SDC2: variants seen among roughly 807,000 people sequenced by gnomAD.
The protein encoded by SDC2 is syndecan 2.
A neutral mutation model predicts 22.2 loss-of-function variants in SDC2; 13 were observed. The observed-to-expected ratio is 0.59, with a 90% CI of 0.38 to 0.93. The LOEUF (loss-of-function observed/expected upper bound fraction) is 0.93, where lower values mean the gene tolerates loss of function less well. SDC2 is among the 40% of genes least tolerant of loss of function. SDC2 has a pLI of 0.00. For synonymous variants in SDC2, 94 were observed against 92.8 expected, an observed-to-expected ratio of 1.01 and a Z score of -0.07; for missense variants, 235 against 246.8, an observed-to-expected ratio of 0.95 and a Z score of 0.32.
chr8:96,550,219 G>T (rs1192706879), intron 1 of SDC2, among the ~76,000 whole-genome samples: 1 of 152,158 alleles, frequency 6.6e-6, no homozygotes, highest in Non-Finnish European at 1.5e-5. Flanking sequence ...ACAGGTTGGG[G>T]TTCCAAAAAT....
At chr8:96,536,771 C>T (rs1165371600) in intron 1 of SDC2, among the ~76,000 whole-genome samples, 3 of 152,268 alleles carry the variant, frequency 2.0e-5, no homozygotes, top group Admixed American at 2.0e-4. Context: ...CAAAGGTAGA[C>T]CAGGTAGGAT....
intron 1 of SDC2, among the ~76,000 whole-genome samples, chr8:96,553,320 C>T (rs1184149342): frequency 6.6e-6 from 1 of 152,010 alleles, no homozygotes; most frequent in Non-Finnish European, 1.5e-5. Context: ...TGTGAAAATG[C>T]ATTCTTATTG....
chr8:96,570,122 AC>A (rs1282701584), intron 1 of SDC2, among the ~76,000 whole-genome samples: 2 of 152,206 alleles, frequency 1.3e-5, no homozygotes, highest in Non-Finnish European at 2.9e-5. Context: ...AGGCACTATC[AC>A]TATCCTCTCC....
rs554458731 is a variant in SDC2 at position 96,581,016 on chromosome 8, T to A, written c.61-12464T>A. On this transcript the variant is annotated intron_variant, in intron 1 of 4. Coordinates refer to ENST00000302190, the MANE Select transcript of SDC2 (RefSeq NM_002998.4). ...CCTGGACTAACTTGGAGAAAAAAAA[T>A]TCCTGAGATGATCTATTTTTAATTC... Among the ~76,000 whole-genome samples, 3 of 152,208 alleles carry A rather than the reference T, an allele frequency of 2.0e-5. No individual in the cohort carries two copies. In the South Asian group the frequency reaches 6.2e-4, roughly 32 times the overall value.
intron 1 of SDC2, among the ~76,000 whole-genome samples, chr8:96,544,407 G>C (rs571479710): frequency 6.6e-6 from 1 of 152,114 alleles, no homozygotes; most frequent in South Asian, 2.1e-4. Flanking sequence ...CCTGCTTGCT[G>C]ACTGTCTTTT....
At chr8:96,523,449 CAG>C (rs1396462667) in intron 1 of SDC2, among the ~76,000 whole-genome samples, 2 of 152,162 alleles carry the variant, frequency 1.3e-5, no homozygotes, top group Non-Finnish European at 2.9e-5. Context: ...GGATCTCTGC[CAG>C]GGGTAACTCT....
At chr8:96,606,011 A>G (rs1392938764) in intron 3 of SDC2, among the ~76,000 whole-genome samples, 1 of 152,214 alleles carries the variant, frequency 6.6e-6, no homozygotes, top group African/African-American at 2.4e-5. Context: ...GCCTTCAGAA[A>G]GCAATCATTT....
intron 1 of SDC2, among the ~76,000 whole-genome samples, chr8:96,593,264 G>A (rs759253622): frequency 6.6e-6 from 1 of 152,190 alleles, no homozygotes; most frequent in Non-Finnish European, 1.5e-5. Flanking sequence ...GGTTTAAGCT[G>A]TGTAGGCTTC....
intron 1 of SDC2, among the ~76,000 whole-genome samples, chr8:96,555,100 G>A (rs748813821): frequency 6.6e-5 from 10 of 151,948 alleles, no homozygotes; most frequent in Admixed American, 3.3e-4. Flanking sequence ...TTTCTGCAGT[G>A]TATTTTTGTG....
chr8:96,536,555 C>T (rs936381276), intron 1 of SDC2, among the ~76,000 whole-genome samples: 8 of 152,100 alleles, frequency 5.3e-5, no homozygotes, highest in African/African-American at 1.7e-4. Flanking sequence ...CTCCTGGACT[C>T]AAGCAGTCCC....
At chr8:96,555,558 A>C (rs938622088) in intron 1 of SDC2, among the ~76,000 whole-genome samples, 1 of 152,248 alleles carries the variant, frequency 6.6e-6, no homozygotes, top group African/African-American at 2.4e-5. Flanking sequence ...AACAAATACC[A>C]GTATGAGGGG....
At chr8:96,542,147 C>G (rs988224028) in intron 1 of SDC2, among the ~76,000 whole-genome samples, 35 of 152,132 alleles carry the variant, frequency 2.3e-4, no homozygotes, top group African/African-American at 8.2e-4. Context: ...TAGTGCTGCC[C>G]CACTGCTGCA....
At chr8:96,583,641 T>G (rs1362512099) in intron 1 of SDC2, among the ~76,000 whole-genome samples, 1 of 149,690 alleles carries the variant, frequency 6.7e-6, no homozygotes, top group East Asian at 2.0e-4. Flanking sequence ...CATTTTCTAT[T>G]CCCTTTCAGT....
intron 1 of SDC2, among the ~76,000 whole-genome samples, chr8:96,570,897 T>C (rs890755366): frequency 5.8e-4 from 88 of 151,976 alleles, no homozygotes; most frequent in African/African-American, 2.1e-3. Context: ...ATTAGAACAG[T>C]GGTTACCGGG....
intron 1 of SDC2, among the ~76,000 whole-genome samples, chr8:96,550,216 G>T (rs1028447403): frequency 2.6e-5 from 4 of 152,164 alleles, no homozygotes; most frequent in Non-Finnish European, 5.9e-5. Context: ...GTTACAGGTT[G>T]GGGTTCCAAA....
Position 96,606,228 on chromosome 8 carries a change from A to T in SDC2, c.307-2107A>T, listed in dbSNP as rs553718593. Among the ~76,000 whole-genome samples, 9 of 152,224 alleles carry T rather than the reference A, an allele frequency of 5.9e-5. No homozygotes were observed. The East Asian group carries it at 1.7e-3, about 29-fold the overall frequency. On this transcript the variant is annotated intron_variant, in intron 3 of 4. Transcript: ENST00000302190. ...AGCCTCCAACTCCTGGGATCAAGAGATCCTCCACAGGTACACAGCACCATG... is the reference window on the plus strand; with the variant it reads ...AGCCTCCAACTCCTGGGATCAAGAGTTCCTCCACAGGTACACAGCACCATG...
chr8:96,529,815 C>T (rs1433610922), intron 1 of SDC2, among the ~76,000 whole-genome samples: 2 of 149,274 alleles, frequency 1.3e-5, no homozygotes, highest in African/African-American at 2.5e-5. Context: ...TCTTCTCAAT[C>T]CCTGGTGTGT....
chr8:96,547,875 C>T (rs1422797934), intron 1 of SDC2, among the ~76,000 whole-genome samples: 2 of 152,090 alleles, frequency 1.3e-5, no homozygotes, highest in Non-Finnish European at 2.9e-5. Context: ...GATCCTCCCA[C>T]CTGAGCCTCC....
At chr8:96,494,587 A>G (rs990564628) in intron 1 of SDC2, among the ~76,000 whole-genome samples, 3 of 151,704 alleles carry the variant, frequency 2.0e-5, no homozygotes, top group African/African-American at 7.3e-5. Flanking sequence ...CTAGCCGCAG[A>G]GGCCCCTGAA....
Sources: allele counts gnomAD v4.1 joint callset (sites outside exome capture counted in the v4.1 genomes callset), GRCh38; gene constraint gnomAD v4.1.1; transcripts MANE v1.5; gene names NCBI Gene and HGNC (gene_info 2026-07-23, HGNC 2026-07-21).